Variants in DOCK2 observed in about 807,000 individuals in gnomAD.
DOCK2 encodes the protein dedicator of cytokinesis protein 2.
Under a neutral mutation model 248.9 loss-of-function variants are expected in DOCK2, and 87 were observed. The ratio of observed to expected loss-of-function variants is 0.35; its 90% CI spans 0.29 to 0.42. The LOEUF is 0.42. DOCK2 is among the 10% of genes least tolerant of loss of function. DOCK2 has a pLI of 1.00. For synonymous variants in DOCK2, 805 were observed against 821.6 expected, an observed-to-expected ratio of 0.98 and a Z score of 0.35; for missense variants, 1,747 against 2,300.2, an observed-to-expected ratio of 0.76 and a Z score of 4.92.
At chr5:169,855,811 C>A (rs577574815) in intron 27 of DOCK2, among the ~76,000 whole-genome samples, 3 of 152,232 alleles carry the variant, frequency 2.0e-5, no homozygotes, top group African/African-American at 7.2e-5. Flanking sequence ...TGAGAAAGAG[C>A]CACAAGAGAA....
Position 170,041,892 on chromosome 5 carries a change from A to G in DOCK2, c.3757-121A>G, listed in dbSNP as rs1427987184. ...AGAAATAAGCTGAGTTCAAGAAAGG[A>G]GGAGAGATGGAAAGGACAGGGTGTG... On this transcript the variant is annotated intron_variant, in intron 37 of 51. Transcript: ENST00000520908. The G allele has an allele frequency of 4.0e-6, 5 of 1,234,606 alleles. No homozygotes were observed. In the South Asian group the frequency reaches 4.7e-5, roughly 12 times the overall value. The allele number at this position is 1,234,606 out of a possible 1,614,324, so 76.5% of individuals were successfully genotyped here.
intron 28 of DOCK2, 145 bp downstream of exon 28, chr5:169,983,311 G>A: frequency 1.2e-6 from 1 of 844,032 alleles, no homozygotes; most frequent in Non-Finnish European, 1.9e-6. Flanking sequence ...AGACATTTTG[G>A]GGTTTAAGAG....
intron 27 of DOCK2, among the ~76,000 whole-genome samples, chr5:169,907,765 C>T (rs543488601): frequency 6.6e-6 from 1 of 152,182 alleles, no homozygotes. Context: ...ACTTTGCCCC[C>T]ACTCTGCAAC....
At chr5:170,082,448 G>A (rs886876461) in intron 51 of DOCK2, among the ~76,000 whole-genome samples, 18 of 152,188 alleles carry the variant, frequency 1.2e-4, no homozygotes, top group African/African-American at 4.1e-4. Context: ...TCAGGACTCT[G>A]CTACTACAAA....
intron 1 of DOCK2, among the ~76,000 whole-genome samples, chr5:169,639,008 T>C (rs1757005456): frequency 6.6e-6 from 1 of 152,220 alleles, no homozygotes; most frequent in African/African-American, 2.4e-5. Context: ...TTAGTATTGC[T>C]TTTAGTGTTA....
At position 169,953,201 on chromosome 5, in the gene DOCK2, T is replaced by C. The variant is rs1275354153; in HGVS notation, c.2800-29867T>C. Among the ~76,000 whole-genome samples, 11 of 151,912 alleles carry C rather than the reference T, an allele frequency of 7.2e-5. No individual in the cohort carries two copies. The East Asian group carries it at 2.1e-3, about 29-fold the overall frequency. On this transcript the variant is annotated intron_variant, in intron 27 of 51. Transcript: ENST00000520908. ...AGCTGGGTGTGGCTGGGTGTGGTGGTGGGTGCCTGTAATCCCAGCTACTCA... is the reference window on the plus strand; with the variant it reads ...AGCTGGGTGTGGCTGGGTGTGGTGGCGGGTGCCTGTAATCCCAGCTACTCA...
chr5:169,958,757 A>G (rs533360651), intron 27 of DOCK2, among the ~76,000 whole-genome samples: 2 of 152,326 alleles, frequency 1.3e-5, no homozygotes, highest in East Asian at 3.9e-4. Context: ...GAGGGCATTC[A>G]GGCAGGAGGG....
chr5:169,899,788 T>C (rs1773815724), intron 27 of DOCK2, among the ~76,000 whole-genome samples: 1 of 152,238 alleles, frequency 6.6e-6, no homozygotes, highest in Non-Finnish European at 1.5e-5. Flanking sequence ...GTGTTCACAG[T>C]GTTGTGCCTT....
intron 27 of DOCK2, among the ~76,000 whole-genome samples, chr5:169,895,061 T>G (rs1395835811): frequency 6.6e-6 from 1 of 152,204 alleles, no homozygotes; most frequent in Non-Finnish European, 1.5e-5. Context: ...TGTTGCATTC[T>G]GGGACTTAGG....
chr5:169,895,168 C>A (rs747678582), intron 27 of DOCK2, among the ~76,000 whole-genome samples: 1 of 152,182 alleles, frequency 6.6e-6, no homozygotes, highest in Non-Finnish European at 1.5e-5. Context: ...GATGGGCTCA[C>A]GGTGTTTGCC....
At chr5:169,815,579 T>A (rs1319234855) in intron 26 of DOCK2, among the ~76,000 whole-genome samples, 1 of 152,220 alleles carries the variant, frequency 6.6e-6, no homozygotes, top group Non-Finnish European at 1.5e-5. Context: ...AATCAAATAA[T>A]ACTTTCACAT....
At chr5:170,069,865 C>T (rs145730333) in intron 46 of DOCK2, among the ~76,000 whole-genome samples, 1 of 152,202 alleles carries the variant, frequency 6.6e-6, no homozygotes, top group Non-Finnish European at 1.5e-5. Flanking sequence ...TTCCTCCTTT[C>T]TCTCTTTCTC....
At chr5:169,827,914 C>CGT (rs1768973847) in intron 26 of DOCK2, among the ~76,000 whole-genome samples, 1 of 152,054 alleles carries the variant, frequency 6.6e-6, no homozygotes, top group African/African-American at 2.4e-5. Flanking sequence ...AACCGAGGCA[C>CGT]ACACTCTGTT....
At chr5:169,995,446 A>G (rs540405777) in intron 29 of DOCK2, among the ~76,000 whole-genome samples, 2 of 152,328 alleles carry the variant, frequency 1.3e-5, no homozygotes, top group African/African-American at 2.4e-5. Flanking sequence ...AAAAACTGAG[A>G]AAAAAACCCA....
At chr5:170,058,524 G>T (rs982050180) in intron 44 of DOCK2, among the ~76,000 whole-genome samples, 1 of 152,182 alleles carries the variant, frequency 6.6e-6, no homozygotes, top group African/African-American at 2.4e-5. Flanking sequence ...TGGCTGTTGA[G>T]GAGAGGCCTG....
chr5:169,705,141 C>T (rs1033421410), intron 14 of DOCK2, among the ~76,000 whole-genome samples: 1 of 152,028 alleles, frequency 6.6e-6, no homozygotes, highest in Non-Finnish European at 1.5e-5. Context: ...CCAGCCTGGC[C>T]GACAAAGTGA....
chr5:169,849,195 C>T (rs1281776500), intron 27 of DOCK2, among the ~76,000 whole-genome samples: 2 of 152,208 alleles, frequency 1.3e-5, no homozygotes, highest in African/African-American at 4.8e-5. Context: ...CATTTAATGG[C>T]ACAGGCACCC....
At chr5:170,082,728 G>T in intron 51 of DOCK2, 68 bp from the exon 52 acceptor site, 1 of 1,584,522 alleles carries the variant, frequency 6.3e-7, no homozygotes, top group Non-Finnish European at 8.6e-7. Context: ...TTAGGACTGG[G>T]AAGCTCCATT....
At chr5:169,646,394 T>C (rs1369685416) in intron 1 of DOCK2, among the ~76,000 whole-genome samples, 2 of 152,214 alleles carry the variant, frequency 1.3e-5, no homozygotes, top group African/African-American at 2.4e-5. Flanking sequence ...GAAAAATAAC[T>C]TCTGTCTTCA....
Sources: allele counts gnomAD v4.1 joint callset (sites outside exome capture counted in the v4.1 genomes callset), GRCh38; gene constraint gnomAD v4.1.1; transcripts MANE v1.5; gene names NCBI Gene and HGNC (gene_info 2026-07-23, HGNC 2026-07-21).